Variants in KRT3 observed in about 807,000 individuals in gnomAD.
KRT3 encodes keratin, type II cytoskeletal 3.
In KRT3, 34 loss-of-function variants were observed where a neutral mutation model predicts 45.8. The observed-to-expected ratio is 0.74, with a 90% CI of 0.57 to 0.99. The LOEUF is 0.99. Ranked by LOEUF, KRT3 falls within the 50% of genes least tolerant of loss-of-function variation. The probability of loss-of-function intolerance (pLI) is 0.00; values close to 1 mark genes in which losing one functional copy is unlikely to be tolerated. For synonymous variants in KRT3, 367 were observed against 329.0 expected (o/e 1.12, Z -1.25); for missense variants, 828 against 820.6 (o/e 1.01, Z -0.11).
chr12:52,790,121 C>A lies in KRT3; in HGVS notation c.1808G>T (p.Gly603Val). 1.3e-6 allele frequency: 2 copies of A among 1,545,590 alleles called. No homozygotes were observed. The highest frequency in any genetic ancestry group is 1.2e-5 in the South Asian group (1 of 84,042). The change falls in exon 9 of 9, where the codon GGC becomes GTC. Residue 603 changes from glycine (G) to valine (V), a missense_variant. By Grantham distance (109) the Gly-to-Val change is moderately radical. Coordinates refer to ENST00000417996, the MANE Select transcript of KRT3 (RefSeq NM_057088.3). ...GCCCCGGTTGCTGGCCGAGCTGAAG[C>A]CCCCGCCACTGACTCCATAGCGGGC... The part of the protein sequence containing the change: ...SGARYGVSGG[G>V]FSSASNRGGS...
At chr12:52,791,937 A>C (rs964963675) in intron 5 of KRT3, 121 bp from the exon 6 acceptor site, 5 of 1,136,120 alleles carry the variant, frequency 4.4e-6, no homozygotes, top group Admixed American at 2.6e-5. Flanking sequence ...ATGATACTGC[A>C]TTGTGTTTCA....
Position 52,790,361 on chromosome 12 carries a change from G to C in KRT3, c.1571-3C>G, listed in dbSNP as rs2121216109. 6.3e-7 allele frequency: 1 copy of C among 1,593,788 alleles called. No homozygotes were observed. Among genetic ancestry groups the C allele is most frequent in the East Asian group, 2.2e-5 (1 of 44,458 alleles). On this transcript the variant is annotated splice_region_variant and splice_polypyrimidine_tract_variant and intron_variant, in intron 8 of 8. Transcript: ENST00000417996. ...AGTCGTGCTGCTGCTGACCACGGCT[G>C]TGGGGGAGAGGACAGGACAGCGATC...
At chr12:52,791,066 TG>T in intron 7 of KRT3, 139 bp downstream of exon 7, 1 of 1,392,986 alleles carries the variant, frequency 7.2e-7, no homozygotes, top group Non-Finnish European at 9.9e-7. Flanking sequence ...TGGGAGGGAG[TG>T]GGCTGGTAGA....
chr12:52,790,903 C>T (rs540718178), intron 7 of KRT3, 31 bp from the exon 8 acceptor site: 58 of 1,577,740 alleles, frequency 3.7e-5, no homozygotes, highest in Non-Finnish European at 4.1e-5. Context: ...AAGTGGGCCC[C>T]GTCACAAAGC....
rs759746553 is a variant in KRT3 at position 52,790,396 on chromosome 12, G to T, written c.1571-38C>A. 8 of 1,540,302 alleles carry T rather than the reference G, an allele frequency of 5.2e-6. No homozygotes were observed. In the East Asian group the frequency reaches 1.6e-4, roughly 31 times the overall value. ...GGACAGGACAGCGATCAGCGACGGC[G>T]CCCAGGCCAGCTGCTATGTTATTGT... On this transcript the variant is annotated intron_variant, in intron 8 of 8. Transcript: ENST00000417996.
chr12:52,792,178 C>G, intron 5 of KRT3, 61 bp downstream of exon 5: 1 of 1,454,278 alleles, frequency 6.9e-7, no homozygotes, highest in East Asian at 2.3e-5. Flanking sequence ...CCCAGCTGTC[C>G]AATAGGCCAT....
chr12:52,795,897 G>T lies in KRT3; in HGVS notation c.146C>A (p.Ala49Glu), dbSNP rs774159481. 5 of 1,614,038 alleles carry T rather than the reference G, an allele frequency of 3.1e-6. No individual in the cohort carries two copies. Among genetic ancestry groups the T allele is most frequent in the Non-Finnish European group, 4.2e-6 (5 of 1,179,900 alleles). The part of the protein sequence containing the change: ...GGGAYGFRSG[A>E]GGFGSRSLYN... ...GAGGCTGCGACTGCCAAAGCCACCTGCTCCGCTCCGGAAGCCATAGGCCCC... is the reference window on the plus strand; with the variant it reads ...GAGGCTGCGACTGCCAAAGCCACCTTCTCCGCTCCGGAAGCCATAGGCCCC... Residue 49 changes from alanine (A) to glutamate (E), a missense_variant, in exon 1 of 9, where the codon GCA (alanine) becomes GAA (glutamate). Coordinates refer to ENST00000417996, the MANE Select transcript of KRT3 (RefSeq NM_057088.3).
rs765235859 is a variant in KRT3 at position 52,794,146 on chromosome 12, C to T, written c.831G>A (p.Lys277=). 6.2e-7 allele frequency: 1 copy of T among 1,614,236 alleles called. No homozygotes were observed. Among genetic ancestry groups the T allele is most frequent in the Admixed American group, 1.7e-5 (1 of 60,030 alleles). Residue 277 remains lysine (K), a synonymous_variant, in exon 2 of 9, where the codon AAG becomes AAA. Coordinates refer to ENST00000417996, the MANE Select transcript of KRT3 (RefSeq NM_057088.3). ...AGTCTTCCACCAGGTCCTCCATGTT[C>T]TTCAGCTCAGAGTCCAGGCGCCCTC... is the stretch of plus-strand genomic sequence containing the variant. ...GERGRLDSEL[K]NMEDLVEDFK... is the part of the protein sequence containing the mutation.
Position 52,795,799 on chromosome 12 carries a change from C to T in KRT3, c.244G>A (p.Gly82Arg), listed in dbSNP as rs1165507341. 6.2e-7 allele frequency: 1 copy of T among 1,614,052 alleles called. No individual in the cohort carries two copies. The highest frequency in any genetic ancestry group is 8.5e-7 in the Non-Finnish European group (1 of 1,179,916). Residue 82 changes from glycine (G) to arginine (R), a missense_variant, in exon 1 of 9, where the codon GGA becomes AGA. Transcript: ENST00000417996. Reference sequence around the variant, plus strand: ...GCAAAGGCACAGCTGCTCCGCCCTCCCCCAAAGCCTCCAGCCCGGGAGCCG... The same window carrying T: ...GCAAAGGCACAGCTGCTCCGCCCTCTCCCAAAGCCTCCAGCCCGGGAGCCG... ...AGGSRAGGFG[G>R]GRSSCAFAGG...
At chr12:52,790,387 A>G (rs761122732) in intron 8 of KRT3, 29 bp from the exon 9 acceptor site, 1 of 1,562,022 alleles carries the variant, frequency 6.4e-7, no homozygotes, top group South Asian at 1.2e-5. Flanking sequence ...GACAGCGATC[A>G]GCGACGGCGC....
rs775260310 is a variant in KRT3, at chr12:52,796,057, C to T, written c.-15G>A. On this transcript the variant is annotated 5_prime_UTR_variant, in exon 1 of 9. Coordinates refer to ENST00000417996, the MANE Select transcript of KRT3 (RefSeq NM_057088.3). ...TGTCTGCTCATGGTAAGGAGCTTGGCGAAGAGAAGAGTGTAAGTTAAGCAG... is the reference window on the plus strand; with the variant it reads ...TGTCTGCTCATGGTAAGGAGCTTGGTGAAGAGAAGAGTGTAAGTTAAGCAG... 92 of 1,611,778 alleles carry T rather than the reference C, an allele frequency of 5.7e-5. No individual in the cohort carries two copies. The highest frequency in any genetic ancestry group is 4.0e-5 in the African/African-American group (3 of 74,882).
Position 52,792,255 on chromosome 12 carries a change from G to A in KRT3, c.1172C>T (p.Ala391Val). 6.2e-7 allele frequency: 1 copy of A among 1,614,024 alleles called. No individual in the cohort carries two copies. The highest frequency in any genetic ancestry group is 8.5e-7 in the Non-Finnish European group (1 of 1,179,946). ...IAQRSKAEAE[A>V]LYQTKLGELQ... is the part of the protein sequence containing the mutation. ...AGCACCCACCTTGGTCTGGTACAGGGCCTCAGCTTCGGCCTTGCTTCTCTG... is the reference window on the plus strand; with the variant it reads ...AGCACCCACCTTGGTCTGGTACAGGACCTCAGCTTCGGCCTTGCTTCTCTG... The change falls in exon 5 of 9, where the codon GCC becomes GTC. Residue 391 changes from alanine (A) to valine (V), a missense_variant. Physicochemically the swap from Ala to Val is moderately conservative, Grantham distance 64 (BLOSUM62 0). Coordinates refer to ENST00000417996, the MANE Select transcript of KRT3 (RefSeq NM_057088.3).
intron 2 of KRT3, among the ~76,000 whole-genome samples, chr12:52,793,547 T>C (rs1384204389): frequency 6.6e-6 from 1 of 152,168 alleles, no homozygotes; most frequent in Non-Finnish European, 1.5e-5. Context: ...TTCCCCAACC[T>C]GGCTCATGAG....
intron 5 of KRT3, 28 bp from the exon 6 acceptor site, chr12:52,791,844 T>A (rs921505087): frequency 1.9e-6 from 3 of 1,604,210 alleles, no homozygotes; most frequent in Non-Finnish European, 2.6e-6. Context: ...AGATGGGGTA[T>A]TCCTGCAGCT....
intron 7 of KRT3, 91 bp from the exon 8 acceptor site, chr12:52,790,963 G>A: frequency 7.4e-7 from 1 of 1,359,742 alleles, no homozygotes; most frequent in Non-Finnish European, 1.0e-6. Context: ...AACCAGAGCT[G>A]AACAGAGAAG....
intron 1 of KRT3, among the ~76,000 whole-genome samples, chr12:52,794,737 G>A (rs779039900): frequency 6.6e-6 from 1 of 152,152 alleles, no homozygotes; most frequent in Non-Finnish European, 1.5e-5. Flanking sequence ...AGTGATGCTG[G>A]GAAGCTGGGA....
rs369576134 is a variant in KRT3 at position 52,791,706 on chromosome 12, C to T, written c.1299G>A (p.Glu433=). The T allele has an allele frequency of 5.6e-6, 9 of 1,614,032 alleles. No individual in the cohort carries two copies. The highest frequency in any genetic ancestry group is 1.3e-5 in the African/African-American group (1 of 74,920). Residue 433 remains glutamate, a synonymous_variant, in exon 6 of 9, where the codon GAG becomes GAA. Coordinates refer to ENST00000417996, the MANE Select transcript of KRT3 (RefSeq NM_057088.3). ...ACCATCCCACCTGCTTCTTGACACCCTCGATCTCTGCCCGCAGCCTCTGGA... is the reference window on the plus strand; with the variant it reads ...ACCATCCCACCTGCTTCTTGACACCTTCGATCTCTGCCCGCAGCCTCTGGA... The part of the protein sequence containing the change: ...RMIQRLRAEI[E]GVKKQNANLQ...
At chr12:52,790,933 G>A (rs371383201) in intron 7 of KRT3, 61 bp from the exon 8 acceptor site, 3 of 1,498,706 alleles carry the variant, frequency 2.0e-6, no homozygotes, top group Non-Finnish European at 2.7e-6. Context: ...ACAAGTCCAC[G>A]GACCAAGGGC....
intron 5 of KRT3, 87 bp downstream of exon 5, chr12:52,792,152 C>A: frequency 8.9e-7 from 1 of 1,128,782 alleles, no homozygotes; most frequent in East Asian, 2.5e-5. Flanking sequence ...ACCCAGTGAC[C>A]ACTGGGAACT....
Sources: allele counts gnomAD v4.1 joint callset (sites outside exome capture counted in the v4.1 genomes callset), GRCh38; gene constraint gnomAD v4.1.1; transcripts MANE v1.5; gene names NCBI Gene and HGNC (gene_info 2026-07-23, HGNC 2026-07-21).